PRKCE: variants seen among roughly 807,000 people sequenced by gnomAD.
PRKCE encodes protein kinase C epsilon type.
A neutral mutation model predicts 85.4 loss-of-function variants in PRKCE; 16 were observed. The observed-to-expected ratio is 0.19, with a 90% confidence interval of 0.13 to 0.28. PRKCE has a LOEUF of 0.28. PRKCE is among the 10% of genes least tolerant of loss of function. PRKCE has a pLI of 1.00. For missense variants in PRKCE, 573 were observed against 975.2 expected (o/e 0.59, Z 5.49); for synonymous variants, 388 against 371.5 (o/e 1.04, Z -0.51).
rs185625186 is a variant in PRKCE, at chr2:45,831,979, T to C, written c.349-11021T>C. On this transcript the variant is annotated intron_variant, in intron 1 of 14. Coordinates refer to ENST00000306156, the MANE Select transcript of PRKCE (RefSeq NM_005400.3). The stretch of plus-strand genomic sequence containing the variant: ...TTATCCTTTATTTTATTTTTGTATG[T>C]ATATTTAAACTAAATGATTTTTAAG... 6.2e-4 allele frequency among the ~76,000 whole-genome samples: 94 copies of C among 152,366 alleles called. 2 individuals carry two copies. The highest frequency in any genetic ancestry group is 1.9e-3 in the African/African-American group (80 of 41,590).
intron 1 of PRKCE, among the ~76,000 whole-genome samples, chr2:45,830,477 G>A (rs1252245864): frequency 6.6e-6 from 1 of 152,006 alleles, no homozygotes; most frequent in Non-Finnish European, 1.5e-5. Flanking sequence ...TAAAAGAAAT[G>A]GATATATATA....
rs1039435868 is a variant in PRKCE at position 45,683,683 on chromosome 2, C to T, written c.348+31235C>T. On this transcript the variant is annotated intron_variant, in intron 1 of 14. Coordinates refer to ENST00000306156, the MANE Select transcript of PRKCE (RefSeq NM_005400.3). The stretch of plus-strand genomic sequence containing the variant: ...TTATGGCAAGTTCAGAAGACATCTT[C>T]TTACCTTGAACAAGTCATTAGAGCT... Among the ~76,000 whole-genome samples, 8 of 152,190 alleles carry T rather than the reference C, an allele frequency of 5.3e-5. No individual in the cohort carries two copies. The South Asian group carries it at 1.7e-3, about 32-fold the overall frequency.
chr2:45,760,583 G>C (rs1204067292), intron 1 of PRKCE, among the ~76,000 whole-genome samples: 2 of 152,186 alleles, frequency 1.3e-5, no homozygotes, highest in African/African-American at 4.8e-5. Flanking sequence ...AGGTAATTTG[G>C]CCAGTGGCTA....
chr2:45,884,978 TATATATATATATATATATATA>T (rs1421687731), intron 2 of PRKCE, among the ~76,000 whole-genome samples: 3 of 69,216 alleles, frequency 4.3e-5, no homozygotes, highest in East Asian at 4.7e-3. Context: ...TATATATATA[TATATATATATATATATATATA>T]TATTTGTTGT....
At chr2:45,845,750 C>G (rs944398603) in intron 2 of PRKCE, 1 of 152,196 alleles carries the variant, frequency 6.6e-6, no homozygotes, top group African/African-American at 2.4e-5. Flanking sequence ...TAAAATTCCA[C>G]TGCTTGCATG....
chr2:45,979,378 C>T (rs779724633), intron 4 of PRKCE, among the ~76,000 whole-genome samples: 14 of 152,220 alleles, frequency 9.2e-5, no homozygotes, highest in Non-Finnish European at 1.9e-4. Flanking sequence ...AGATCCCTCC[C>T]TGTCTCCCTC....
intron 10 of PRKCE, among the ~76,000 whole-genome samples, chr2:46,018,915 C>T (rs1353254782): frequency 1.3e-5 from 2 of 152,232 alleles, no homozygotes; most frequent in African/African-American, 2.4e-5. Context: ...GCCTGGCTTC[C>T]TCCCAGCTGA....
At chr2:45,891,764 C>A (rs1229082024) in intron 2 of PRKCE, among the ~76,000 whole-genome samples, 10 of 152,350 alleles carry the variant, frequency 6.6e-5, no homozygotes, top group Non-Finnish European at 1.2e-4. Context: ...CCCTTCTTCT[C>A]AGTCACAAGG....
chr2:45,801,923 A>G (rs544890746), intron 1 of PRKCE, among the ~76,000 whole-genome samples: 4 of 152,104 alleles, frequency 2.6e-5, no homozygotes, highest in African/African-American at 9.6e-5. Context: ...CAAAATGGGG[A>G]TAATAATACT....
At chr2:45,893,492 T>C (rs1168760017) in intron 2 of PRKCE, among the ~76,000 whole-genome samples, 1 of 151,860 alleles carries the variant, frequency 6.6e-6, no homozygotes, top group Non-Finnish European at 1.5e-5. Context: ...CTCAGCCTCC[T>C]GAGTAGCTGG....
Position 46,014,231 on chromosome 2 carries a change from G to A in PRKCE, c.1437+3714G>A, listed in dbSNP as rs190965713. Among the ~76,000 whole-genome samples, 19 of 152,280 alleles carry A rather than the reference G, an allele frequency of 1.2e-4. No individual in the cohort carries two copies. In the East Asian group the frequency reaches 3.1e-3, roughly 25 times the overall value. On this transcript the variant is annotated intron_variant, in intron 10 of 14. Transcript: ENST00000306156. ...ACCAGTGTGTCTTTGGGATGCAAGA[G>A]TAACCTGAACCATGTAGGGAATTCT...
chr2:46,051,750 G>A (rs559358805), intron 10 of PRKCE, among the ~76,000 whole-genome samples: 28 of 152,264 alleles, frequency 1.8e-4, no homozygotes, highest in South Asian at 4.1e-4. Context: ...TTCTCACACC[G>A]CTATAAAGAA....
intron 1 of PRKCE, among the ~76,000 whole-genome samples, chr2:45,833,845 C>A (rs747469117): frequency 6.6e-6 from 1 of 152,200 alleles, no homozygotes; most frequent in Non-Finnish European, 1.5e-5. Flanking sequence ...GGCTACATTT[C>A]TGCTATTAGT....
At chr2:46,121,367 A>G (rs976022025) in intron 11 of PRKCE, among the ~76,000 whole-genome samples, 11 of 152,170 alleles carry the variant, frequency 7.2e-5, no homozygotes, top group Admixed American at 7.2e-4. Flanking sequence ...TTATGGCATG[A>G]GATCAGTCCC....
At chr2:45,738,478 A>C (rs891595980) in intron 1 of PRKCE, among the ~76,000 whole-genome samples, 5 of 152,194 alleles carry the variant, frequency 3.3e-5, no homozygotes, top group Non-Finnish European at 7.4e-5. Context: ...CACTGTTTTC[A>C]GATAACCTGT....
chr2:46,120,571 C>T (rs1445876793), intron 11 of PRKCE, among the ~76,000 whole-genome samples: 1 of 152,126 alleles, frequency 6.6e-6, no homozygotes, highest in Non-Finnish European at 1.5e-5. Context: ...CAGATTTTGC[C>T]ATGGTGTTTA....
chr2:46,032,586 G>T (rs994501501), intron 10 of PRKCE, among the ~76,000 whole-genome samples: 1 of 152,128 alleles, frequency 6.6e-6, no homozygotes, highest in Non-Finnish European at 1.5e-5. Context: ...ATCTCCAAAA[G>T]TTCCAGGATG....
chr2:45,690,038 A>G (rs1191599844), intron 1 of PRKCE, among the ~76,000 whole-genome samples: 3 of 152,208 alleles, frequency 2.0e-5, no homozygotes, highest in Non-Finnish European at 4.4e-5. Context: ...TTTTGGAAAC[A>G]AACAGGAAAA....
intron 1 of PRKCE, among the ~76,000 whole-genome samples, chr2:45,782,830 A>C (rs1330331965): frequency 1.3e-5 from 2 of 152,116 alleles, no homozygotes; most frequent in Non-Finnish European, 2.9e-5. Context: ...GCAAAGCTCT[A>C]TCCACATGTT....
Sources: gnomAD v4.1 joint callset for allele counts (sites outside exome capture counted in the v4.1 genomes callset) on GRCh38, gnomAD v4.1.1 for gene constraint, MANE v1.5 for transcripts, NCBI Gene and HGNC (gene_info 2026-07-23, HGNC 2026-07-21) for gene names.